DIP2A: variants seen among roughly 807,000 people sequenced by gnomAD.
DIP2A encodes disco-interacting protein 2 homolog A.
Under a neutral mutation model 177.4 loss-of-function variants are expected in DIP2A, and 85 were observed. That is an observed-to-expected ratio of 0.48 (90% CI 0.40 to 0.57). DIP2A has a LOEUF of 0.57. Ranked by LOEUF, DIP2A falls within the 20% of genes least tolerant of loss-of-function variation. DIP2A has a pLI of 0.00. For synonymous variants in DIP2A, 886 were observed against 881.8 expected (o/e 1.00, Z -0.08); for missense variants, 1,791 against 2,100.2 (o/e 0.85, Z 2.88).
chr21:46,574,553 A>C (rs978598597), downstream of DIP2A, among the ~76,000 whole-genome samples: 39 of 152,140 alleles, frequency 2.6e-4, no homozygotes, highest in African/African-American at 9.2e-4. Context: ...AAGATCAACA[A>C]AATTGACATT....
At chr21:46,513,243 C>G (rs536020782) in intron 8 of DIP2A, among the ~76,000 whole-genome samples, 2 of 152,088 alleles carry the variant, frequency 1.3e-5, no homozygotes, top group South Asian at 4.2e-4. Context: ...GTGTGATGAT[C>G]CATTTAGAAT....
chr21:46,464,844 T>TTCCC lies in DIP2A; in HGVS notation c.91+5622_91+5623insTCCC, dbSNP rs58546395. Among the ~76,000 whole-genome samples the TTCCC allele has an allele frequency of 5.8e-4, 65 of 111,230 alleles. 5 individuals carry two copies. Among genetic ancestry groups the TTCCC allele is most frequent in the African/African-American group, 2.6e-3 (63 of 23,994 alleles). 73.0% of individuals were successfully genotyped at this position (111,230 alleles called of 152,430 possible). A position where few individuals can be genotyped will look rare whatever the true frequency, so the allele number is the denominator to read the frequency against. On this transcript the variant is annotated intron_variant, in intron 1 of 37. Transcript: ENST00000417564. Reference sequence around the variant, plus strand: ...TTTTTTTTTTTTTTTTTTTTTTTTTTCAAGAAAACACACAACAAATGTCAG... The same window carrying TTCCC: ...TTTTTTTTTTTTTTTTTTTTTTTTTTTCCCCAAGAAAACACACAACAAATGTCAG...
intron 1 of DIP2A, among the ~76,000 whole-genome samples, chr21:46,483,148 G>A (rs1158892977): frequency 6.6e-6 from 1 of 152,104 alleles, no homozygotes; most frequent in African/African-American, 2.4e-5. Flanking sequence ...GGAAGGGTTG[G>A]TTTTAAAAAT....
intron 3 of DIP2A, among the ~76,000 whole-genome samples, chr21:46,496,699 A>G (rs1386051929): frequency 6.6e-6 from 1 of 152,258 alleles, no homozygotes; most frequent in African/African-American, 2.4e-5. Flanking sequence ...GGTTTAAACC[A>G]ACAACTAGAT....
chr21:46,480,048 A>G (rs528528259), intron 1 of DIP2A, among the ~76,000 whole-genome samples: 136 of 146,034 alleles, frequency 9.3e-4, no homozygotes, highest in African/African-American at 3.4e-3. Flanking sequence ...GAGCTTGGAG[A>G]CTGCCTGTAT....
In DIP2A at chr21:46,549,805, G is replaced by A. The variant is rs768631143; in HGVS notation, c.2557G>A (p.Asp853Asn). 3.1e-6 allele frequency: 5 copies of A among 1,613,546 alleles called. No homozygotes were observed. Among genetic ancestry groups the A allele is most frequent in the East Asian group, 2.2e-5 (1 of 44,902 alleles). ...AVFSVTVLHD[D>N]RIVLVAEQRP... ...GTTCTCTGTGACCGTGCTGCACGAC[G>A]ACCGGATTGTCCTGGTGGCTGAGCA... The change falls in exon 22 of 38, where the codon GAC becomes AAC. Residue 853 changes from aspartate (D) to asparagine (N), a missense_variant. Physicochemically the swap from Asp to Asn is conservative, Grantham distance 23. Coordinates refer to ENST00000417564, the MANE Select transcript of DIP2A (RefSeq NM_015151.4).
downstream of DIP2A, among the ~76,000 whole-genome samples, chr21:46,573,387 C>T (rs1201600190): frequency 6.6e-6 from 1 of 151,910 alleles, no homozygotes; most frequent in East Asian, 1.9e-4. Flanking sequence ...TCACTGGGCA[C>T]AGTGGCTCAT....
At chr21:46,513,226 C>T (rs2148640869) in intron 8 of DIP2A, among the ~76,000 whole-genome samples, 1 of 152,054 alleles carries the variant, frequency 6.6e-6, no homozygotes, top group South Asian at 2.1e-4. Context: ...TTACTTTTCA[C>T]ATTTAGGTGT....
intron 8 of DIP2A, among the ~76,000 whole-genome samples, chr21:46,519,175 G>A (rs1265538536): frequency 6.6e-6 from 1 of 152,152 alleles, no homozygotes; most frequent in Non-Finnish European, 1.5e-5. Flanking sequence ...AGTATATAAT[G>A]AGCAGTGAGT....
At chr21:46,531,885 A>C (rs2059371116) in intron 9 of DIP2A, among the ~76,000 whole-genome samples, 1 of 152,246 alleles carries the variant, frequency 6.6e-6, no homozygotes, top group Non-Finnish European at 1.5e-5. Flanking sequence ...ATATAGATAC[A>C]GCTTAAATTT....
intron 15 of DIP2A, 128 bp from the exon 16 acceptor site, chr21:46,538,355 T>C (rs2148798589): frequency 7.4e-7 from 1 of 1,344,754 alleles, no homozygotes; most frequent in East Asian, 2.6e-5. Flanking sequence ...GCTTGTGACC[T>C]GGGAGCTAAG....
rs138104738 is a variant in DIP2A, at chr21:46,551,565, AAAT to A, written c.2840-66_2840-64del. ...AGTATGTTTTCAAAATAAAAATTGTAAATAAAATCACGTGATGTTTATATATGA... is the reference window on the plus strand; with the variant it reads ...AGTATGTTTTCAAAATAAAAATTGTAAAAATCACGTGATGTTTATATATGA... On this transcript the variant is annotated intron_variant, in intron 23 of 37. Transcript: ENST00000417564. 1,132 of 1,329,818 alleles carry A rather than the reference AAAT, an allele frequency of 8.5e-4. 9 individuals are homozygous for A. In the African/African-American group the frequency reaches 0.015, roughly 17 times the overall value. The allele number at this position is 1,329,818 out of a possible 1,614,324, so 82.4% of individuals were successfully genotyped here. A position where few individuals can be genotyped will look rare whatever the true frequency, so the allele number is the denominator to read the frequency against.
intron 1 of DIP2A, among the ~76,000 whole-genome samples, chr21:46,482,050 A>G (rs2056377685): frequency 6.6e-6 from 1 of 152,194 alleles, no homozygotes; most frequent in South Asian, 2.1e-4. Flanking sequence ...CTCCGTCTCA[A>G]AAAAACAAAA....
Position 46,549,831 on chromosome 21 carries a change from G to A in DIP2A, c.2583G>A (p.Gln861=). The A allele has an allele frequency of 6.2e-7, 1 of 1,613,358 alleles. No homozygotes were observed. The highest frequency in any genetic ancestry group is 8.5e-7 in the Non-Finnish European group (1 of 1,180,002). Residue 861 remains glutamine, a synonymous_variant, in exon 22 of 38, where the codon CAG becomes CAA. Transcript: ENST00000417564. ...HDDRIVLVAE[Q]RPDASEEDSF... is the part of the protein sequence containing the mutation. ...ACCGGATTGTCCTGGTGGCTGAGCA[G>A]CGGCCGGATGCCTCGGAGGAGGACA...
intron 1 of DIP2A, among the ~76,000 whole-genome samples, chr21:46,466,655 T>G (rs1871672152): frequency 6.6e-6 from 1 of 152,000 alleles, no homozygotes; most frequent in Non-Finnish European, 1.5e-5. Flanking sequence ...CACAACTTTT[T>G]TTTTTTAAGA....
chr21:46,573,009 A>G (rs1364025976), downstream of DIP2A, among the ~76,000 whole-genome samples: 4 of 152,070 alleles, frequency 2.6e-5, no homozygotes, highest in Admixed American at 6.6e-5. Flanking sequence ...GTAGATACAT[A>G]TACACTGTAT....
intron 1 of DIP2A, among the ~76,000 whole-genome samples, chr21:46,477,210 G>T (rs1285974059): frequency 6.6e-6 from 1 of 151,960 alleles, no homozygotes; most frequent in African/African-American, 2.4e-5. Flanking sequence ...GGAAGCACGT[G>T]CCCTTTTTCC....
chr21:46,498,699 C>G lies in DIP2A; in HGVS notation c.521C>G (p.Ser174Trp), dbSNP rs1398696512. Residue 174 changes from serine (S) to tryptophan (W), a missense_variant, in exon 5 of 38, where the codon TCG becomes TGG. Transcript: ENST00000417564. The surrounding 1 kb of genome is among the most constrained non-coding windows in gnomAD (Gnocchi z 4.3). Reference protein sequence around the residue: ...EPWLDRVIQGSSTSSSASSTS... With the variant: ...EPWLDRVIQGWSTSSSASSTS... ...TGGCTCGACCGGGTCATTCAGGGCT[C>G]GTCCACCTCATCCTCTGCATCCTCC... 4 of 1,613,798 alleles carry G rather than the reference C, an allele frequency of 2.5e-6. No homozygotes were observed. In the South Asian group the frequency reaches 4.4e-5, roughly 18 times the overall value.
chr21:46,491,606 A>G (rs2057018558), intron 3 of DIP2A, among the ~76,000 whole-genome samples: 3 of 152,338 alleles, frequency 2.0e-5, no homozygotes, highest in Admixed American at 2.0e-4. Flanking sequence ...CAAAGTTAAA[A>G]ATCACCTGAT....
Sources: allele counts gnomAD v4.1 joint callset (sites outside exome capture counted in the v4.1 genomes callset), GRCh38; gene constraint gnomAD v4.1.1; non-coding constraint Gnocchi (gnomAD v3.1); transcripts MANE v1.5; gene names NCBI Gene and HGNC (gene_info 2026-07-23, HGNC 2026-07-21).